Variants in SYNE2 observed in about 807,000 individuals in gnomAD.
The protein encoded by SYNE2 is nesprin-2.
A neutral mutation model predicts 856.3 loss-of-function variants in SYNE2; 431 were observed. That is an observed-to-expected ratio of 0.50 (90% CI 0.47 to 0.55). The LOEUF is 0.55. Ranked by LOEUF, SYNE2 falls within the 20% of genes least tolerant of loss-of-function variation. The probability of loss-of-function intolerance (pLI) is 0.00; values close to 1 mark genes in which losing one functional copy is unlikely to be tolerated. For synonymous variants in SYNE2, 2,923 were observed against 2,872.3 expected (o/e 1.02, Z -0.56); for missense variants, 8,129 against 8,023.2 (o/e 1.01, Z -0.50).
intron 65 of SYNE2, among the ~76,000 whole-genome samples, chr14:64,108,075 A>G (rs1200710729): frequency 6.6e-6 from 1 of 152,220 alleles, no homozygotes; most frequent in Non-Finnish European, 1.5e-5. Context: ...TGGGCCAGGC[A>G]TGGTGGCTCA....
chr14:64,038,595 C>T (rs963464497), intron 45 of SYNE2, among the ~76,000 whole-genome samples: 1 of 152,254 alleles, frequency 6.6e-6, no homozygotes, highest in South Asian at 2.1e-4. Flanking sequence ...ATCCCGGCAC[C>T]TCGGGAGGCC....
At chr14:63,995,325 G>A (rs2096704753) in intron 23 of SYNE2, 123 bp downstream of exon 23, 4 of 756,614 alleles carry the variant, frequency 5.3e-6, no homozygotes, top group Non-Finnish European at 8.7e-6. Context: ...CCTCTCCCCG[G>A]GGATGATCAC....
chr14:64,202,082 G>T lies in SYNE2; in HGVS notation c.18039-719G>T, dbSNP rs1398547342. 3 of 664,192 alleles carry T rather than the reference G, an allele frequency of 4.5e-6. No individual in the cohort carries two copies. The Admixed American group carries it at 6.3e-5, about 14-fold the overall frequency. The allele number at this position is 664,192 out of a possible 1,614,324, so 41.1% of individuals were successfully genotyped here. A position where few individuals can be genotyped will look rare whatever the true frequency, so the allele number is the denominator to read the frequency against. ...ATGCCATGCGTGTGCTTTCAAATCT[G>T]CTCCACGCCGAGTTGGGCCGGATGG... On this transcript the variant is annotated intron_variant, in intron 99 of 115. Transcript: ENST00000555002.
At chr14:64,170,128 T>C (rs1338898545) in intron 93 of SYNE2, 100 bp from the exon 94 acceptor site, 29 of 1,137,034 alleles carry the variant, frequency 2.6e-5, no homozygotes, top group Non-Finnish European at 3.4e-5. Context: ...TTCATGTAAA[T>C]TGTACTTATA....
chr14:63,839,777 G>A (rs553691356), intron 1 of SYNE2, among the ~76,000 whole-genome samples: 2 of 152,174 alleles, frequency 1.3e-5, no homozygotes, highest in Non-Finnish European at 2.9e-5. Flanking sequence ...TATTATGTGC[G>A]GAAAAGATCT....
chr14:64,167,384 G>A lies in SYNE2; in HGVS notation c.16757G>A (p.Cys5586Tyr), dbSNP rs1014896996. Residue 5586 changes from cysteine to tyrosine, a missense_variant, in exon 91 of 116, where the codon TGC (cysteine) becomes TAC (tyrosine). By Grantham distance (194) the Cys-to-Tyr change is radical. Around this residue, in one of 3 missense-constraint regions of SYNE2, gnomAD observed 5,410 missense variants for 5,284.8 expected, o/e 1.02. Coordinates refer to ENST00000555002, the MANE Select transcript of SYNE2 (RefSeq NM_182914.3). ...GCCACGGCCACGGCACTGGAGCGCT[G>A]CAGGTTAGAACATCCCTTCTCTGTC... ...IRATATALER[C>Y]SELQGIGLNE... 6.2e-7 allele frequency: 1 copy of A among 1,614,104 alleles called. No homozygotes were observed. Among genetic ancestry groups the A allele is most frequent in the African/African-American group, 1.3e-5 (1 of 74,940 alleles).
Position 64,153,291 on chromosome 14 carries a change from GA to G in SYNE2, c.15792+576del, listed in dbSNP as rs1184043959. Reference sequence around the variant, plus strand: ...CCCTTCCAGGAGGAGAGCACCAAAAGAGAGCGAGCTCAGGCATCTCTAGACA... The same window carrying G: ...CCCTTCCAGGAGGAGAGCACCAAAAGGAGCGAGCTCAGGCATCTCTAGACA... On this transcript the variant is annotated intron_variant, in intron 85 of 115. Coordinates refer to ENST00000555002, the MANE Select transcript of SYNE2 (RefSeq NM_182914.3). 2.6e-5 allele frequency among the ~76,000 whole-genome samples: 4 copies of G among 152,322 alleles called. No homozygotes were observed. In the East Asian group the frequency reaches 7.7e-4, roughly 29 times the overall value.
chr14:64,110,049 A>T (rs920172493), intron 65 of SYNE2, among the ~76,000 whole-genome samples: 3 of 152,236 alleles, frequency 2.0e-5, no homozygotes, highest in Admixed American at 1.3e-4. Flanking sequence ...TTCTAGGGGC[A>T]TGCTTTTCAT....
intron 95 of SYNE2, among the ~76,000 whole-genome samples, chr14:64,176,559 G>A (rs998209392): frequency 1.3e-5 from 2 of 152,162 alleles, no homozygotes; most frequent in African/African-American, 4.8e-5. Context: ...GTAGAAAGGA[G>A]AAGACAGCCA....
intron 45 of SYNE2, among the ~76,000 whole-genome samples, chr14:64,045,953 A>G (rs919713471): frequency 1.1e-4 from 17 of 152,228 alleles, no homozygotes; most frequent in Admixed American, 2.0e-4. Context: ...CTATCTAGAC[A>G]GTATTTTTAA....
rs1187492375 is a variant in SYNE2 at position 64,000,572 on chromosome 14, A to G, written c.3491A>G (p.Asn1164Ser). 1 of 1,613,362 alleles carries G rather than the reference A, an allele frequency of 6.2e-7. No individual in the cohort carries two copies. Among genetic ancestry groups the G allele is most frequent in the East Asian group, 2.2e-5 (1 of 44,756 alleles). Residue 1164 changes from asparagine (N) to serine (S), a missense_variant, in exon 28 of 116, where the codon AAT (asparagine) becomes AGT (serine). Physicochemically the swap from Asn to Ser is conservative, Grantham distance 46 (BLOSUM62 1). This residue lies in a region of SYNE2 where 2,422 missense variants were observed against 2,357.4 expected (regional missense o/e 1.03). Coordinates refer to ENST00000555002, the MANE Select transcript of SYNE2 (RefSeq NM_182914.3). ...ATGTGTTCCATCTAGGTCATAAAAA[A>G]TGAAACTGATGCTCGCTGGAAAGAG... is the stretch of plus-strand genomic sequence containing the variant. ...AKLTDLQVIK[N>S]ETDARWKEFE...
chr14:64,148,033 C>T (rs1284155893), intron 84 of SYNE2, among the ~76,000 whole-genome samples: 4 of 152,072 alleles, frequency 2.6e-5, no homozygotes, highest in Admixed American at 6.6e-5. Flanking sequence ...CCATTAAGGC[C>T]GGGCGCAGTG....
chr14:63,922,475 G>A (rs2095611874), intron 2 of SYNE2, among the ~76,000 whole-genome samples: 1 of 152,140 alleles, frequency 6.6e-6, no homozygotes, highest in African/African-American at 2.4e-5. Flanking sequence ...GCTTCAGCAA[G>A]CCGTCTGAGC....
At chr14:63,814,341 TAGTC>T (rs1391719126) in intron 1 of SYNE2, among the ~76,000 whole-genome samples, 13 of 149,172 alleles carry the variant, frequency 8.7e-5, no homozygotes, top group Admixed American at 2.0e-4. Flanking sequence ...CTGCCTGTAT[TAGTC>T]AGGGTTCTCT....
chr14:63,912,995 A>G (rs6573540), intron 2 of SYNE2, among the ~76,000 whole-genome samples: 4,973 of 151,528 alleles, frequency 0.033, 286 homozygotes, highest in African/African-American at 0.11. Context: ...GTGCAGTGGC[A>G]TGAACACGAC....
At chr14:64,042,066 T>C (rs917513654) in intron 45 of SYNE2, among the ~76,000 whole-genome samples, 2 of 152,116 alleles carry the variant, frequency 1.3e-5, no homozygotes, top group African/African-American at 4.8e-5. Context: ...CACAGCACTA[T>C]CTATTATATG....
chr14:63,850,584 AC>A (rs1455206070), upstream of SYNE2, among the ~76,000 whole-genome samples: 1 of 101,234 alleles, frequency 9.9e-6, no homozygotes, highest in East Asian at 2.4e-4. Context: ...TTTGATTATC[AC>A]TTCAAAGTAC....
intron 99 of SYNE2, among the ~76,000 whole-genome samples, chr14:64,198,198 G>A (rs1239698985): frequency 1.3e-5 from 2 of 152,234 alleles, no homozygotes; most frequent in African/African-American, 2.4e-5. Flanking sequence ...TGCAGAGATG[G>A]TGGCCACGGC....
At chr14:64,117,114 G>T (rs896087269) in intron 66 of SYNE2, among the ~76,000 whole-genome samples, 1 of 152,144 alleles carries the variant, frequency 6.6e-6, no homozygotes, top group African/African-American at 2.4e-5. Context: ...AACTCTGTGT[G>T]TATTATGTTT....
Sources: allele counts gnomAD v4.1 joint callset (sites outside exome capture counted in the v4.1 genomes callset), GRCh38; gene constraint gnomAD v4.1.1; regional missense constraint gnomAD v4.1.1; transcripts MANE v1.5; gene names NCBI Gene and HGNC (gene_info 2026-07-23, HGNC 2026-07-21).